DENND5B: variants seen among roughly 807,000 people sequenced by gnomAD.
The protein encoded by DENND5B is DENN domain-containing protein 5B.
A neutral mutation model predicts 140.6 loss-of-function variants in DENND5B; 34 were observed. The observed-to-expected ratio is 0.24, with a 90% CI of 0.18 to 0.32. The LOEUF is 0.32. Ranked by LOEUF, DENND5B falls within the 10% of genes least tolerant of loss-of-function variation. DENND5B has a pLI of 1.00. For missense variants in DENND5B, 1,142 were observed against 1,560.2 expected, an observed-to-expected ratio of 0.73 and a Z score of 4.52; for synonymous variants, 551 against 562.1, an observed-to-expected ratio of 0.98 and a Z score of 0.28.
At chr12:31,391,994 T>C (rs998451651) in intron 19 of DENND5B, among the ~76,000 whole-genome samples, 15 of 151,550 alleles carry the variant, frequency 9.9e-5, no homozygotes, top group African/African-American at 3.6e-4. Flanking sequence ...CAAAAATTAG[T>C]TGGGCATGGT....
At chr12:31,514,730 T>C (rs550363913) in intron 1 of DENND5B, among the ~76,000 whole-genome samples, 1 of 151,934 alleles carries the variant, frequency 6.6e-6, no homozygotes, top group South Asian at 2.1e-4. Context: ...GGCAGGAGAA[T>C]CACTTGAATC....
chr12:31,509,881 C>G (rs1390720122), intron 1 of DENND5B, among the ~76,000 whole-genome samples: 2 of 152,066 alleles, frequency 1.3e-5, no homozygotes, highest in African/African-American at 4.8e-5. Context: ...TTAATCTTAC[C>G]TCCTTGGGAA....
At chr12:31,548,768 T>C (rs1006513343) in intron 1 of DENND5B, among the ~76,000 whole-genome samples, 5 of 152,186 alleles carry the variant, frequency 3.3e-5, no homozygotes, top group Admixed American at 1.3e-4. Context: ...ATTTAATTAA[T>C]TAATGGCTAT....
In DENND5B at chr12:31,408,498, G is replaced by A. The variant is rs183471309; in HGVS notation, c.2803+765C>T. On this transcript the variant is annotated intron_variant, in intron 14 of 20. Transcript: ENST00000389082. The stretch of plus-strand genomic sequence containing the variant: ...AAAAATTAGCCGGGTGTGGTGGGGC[G>A]TGCCTGTAATTCCAGCTACTCAGGA... Among the ~76,000 whole-genome samples, 860 of 151,320 alleles carry A rather than the reference G, an allele frequency of 5.7e-3. 8 individuals are homozygous for A. Among genetic ancestry groups the A allele is most frequent in the Non-Finnish European group, 7.1e-3 (482 of 67,866 alleles).
At chr12:31,466,042 G>T (rs1351362635) in intron 3 of DENND5B, among the ~76,000 whole-genome samples, 1 of 152,198 alleles carries the variant, frequency 6.6e-6, no homozygotes, top group Non-Finnish European at 1.5e-5. Flanking sequence ...AAATTACCCA[G>T]AATGCAGCAC....
At chr12:31,565,434 C>T (rs1012112230) in intron 1 of DENND5B, among the ~76,000 whole-genome samples, 3 of 152,182 alleles carry the variant, frequency 2.0e-5, no homozygotes, top group African/African-American at 4.8e-5. Context: ...GCAATTTATA[C>T]ATCTTGCTTA....
chr12:31,471,814 G>A lies in DENND5B; in HGVS notation c.904+7775C>T, dbSNP rs147186841. Among the ~76,000 whole-genome samples the A allele has an allele frequency of 2.7e-3, 412 of 152,244 alleles. 2 individuals carry two copies. The highest frequency in any genetic ancestry group is 0.02 in the Middle Eastern group (6 of 294). On this transcript the variant is annotated intron_variant, in intron 3 of 20. Transcript: ENST00000389082. ...GGCTATATGTGATCCAGACACAAAG[G>A]TGATGATTCAGTCAGAAATGAATTG...
chr12:31,529,740 T>A (rs1212103627), intron 1 of DENND5B, among the ~76,000 whole-genome samples: 7 of 151,458 alleles, frequency 4.6e-5, no homozygotes, highest in African/African-American at 1.2e-4. Flanking sequence ...ATAATTTTTT[T>A]TAAAAAAGAA....
chr12:31,571,493 A>T (rs200487288), intron 1 of DENND5B, among the ~76,000 whole-genome samples: 7 of 99,138 alleles, frequency 7.1e-5, no homozygotes, highest in Admixed American at 3.4e-4. Context: ...ATTTGGGTTT[A>T]AAAAAAAAAA....
chr12:31,393,628 A>T (rs1216430344), intron 17 of DENND5B, among the ~76,000 whole-genome samples: 3 of 152,216 alleles, frequency 2.0e-5, no homozygotes, highest in Non-Finnish European at 4.4e-5. Context: ...AGGAAAACCC[A>T]TACATCCTCA....
chr12:31,512,221 C>A (rs1181094898), intron 1 of DENND5B, among the ~76,000 whole-genome samples: 2 of 151,690 alleles, frequency 1.3e-5, no homozygotes. Context: ...GCCTCCACTG[C>A]ACTTTTCTTT....
In DENND5B at chr12:31,447,640, G is replaced by A. The variant is rs201039344; in HGVS notation, c.1759C>T (p.Arg587Trp). The change falls in exon 6 of 21, where the codon CGG (arginine) becomes TGG (tryptophan). Residue 587 changes from arginine to tryptophan, a missense_variant. Around this residue, in one of 5 missense-constraint regions of DENND5B, gnomAD observed 708 missense variants for 905.5 expected, o/e 0.78. Transcript: ENST00000389082. ...SQWEEKDPLL[R>W]VFDTRIDKIR... ...TTATCAATCCGAGTGTCAAAGACCC[G>A]AAGCAAAGGATCTTTCTCTTCCCAC... 11 of 1,613,812 alleles carry A rather than the reference G, an allele frequency of 6.8e-6. No individual in the cohort carries two copies. The highest frequency in any genetic ancestry group is 6.7e-5 in the Admixed American group (4 of 60,008).
intron 13 of DENND5B, among the ~76,000 whole-genome samples, chr12:31,412,418 G>A (rs1162567584): frequency 2.0e-5 from 3 of 152,170 alleles, no homozygotes; most frequent in Non-Finnish European, 4.4e-5. Flanking sequence ...GGCTGGGGAG[G>A]GGGAGGTGGA....
intron 1 of DENND5B, among the ~76,000 whole-genome samples, chr12:31,588,931 CCAAT>C (rs1239988042): frequency 6.6e-6 from 1 of 152,026 alleles, no homozygotes; most frequent in Non-Finnish European, 1.5e-5. Flanking sequence ...AGCAGAAATC[CCAAT>C]CACCCACACT....
intron 15 of DENND5B, among the ~76,000 whole-genome samples, chr12:31,401,353 A>G (rs1012892793): frequency 2.0e-4 from 30 of 152,192 alleles, no homozygotes; most frequent in African/African-American, 7.2e-4. Flanking sequence ...AAGGGTTTTA[A>G]TATTTTATAT....
intron 1 of DENND5B, among the ~76,000 whole-genome samples, chr12:31,532,691 A>AT (rs1410687937): frequency 2.0e-5 from 3 of 152,180 alleles, no homozygotes; most frequent in African/African-American, 7.2e-5. Context: ...AAAATTAGAT[A>AT]TGGGGGAATT....
intron 1 of DENND5B, among the ~76,000 whole-genome samples, chr12:31,503,212 T>C (rs1252538475): frequency 6.6e-6 from 1 of 152,074 alleles, no homozygotes; most frequent in African/African-American, 2.4e-5. Context: ...GAGAGGGGAA[T>C]TACACTATGA....
At chr12:31,507,639 T>A (rs1428530113) in intron 1 of DENND5B, among the ~76,000 whole-genome samples, 2 of 152,234 alleles carry the variant, frequency 1.3e-5, no homozygotes, top group African/African-American at 4.8e-5. Context: ...AAAAATTTTT[T>A]AAGTAATTTA....
intron 1 of DENND5B, among the ~76,000 whole-genome samples, chr12:31,535,753 G>C (rs976162928): frequency 2.0e-5 from 3 of 152,096 alleles, no homozygotes; most frequent in Non-Finnish European, 2.9e-5. Flanking sequence ...ACAAACATCC[G>C]CAAGTATCAA....
Sources: allele counts gnomAD v4.1 joint callset (sites outside exome capture counted in the v4.1 genomes callset), GRCh38; gene constraint gnomAD v4.1.1; regional missense constraint gnomAD v4.1.1; transcripts MANE v1.5; gene names NCBI Gene and HGNC (gene_info 2026-07-23, HGNC 2026-07-21).